The following LRRIQ3 variants were observed in gnomAD, a reference collection of about 807,000 sequenced individuals.
LRRIQ3 encodes the protein leucine rich repeats and IQ motif containing 3.
Under a neutral mutation model 59.3 loss-of-function variants are expected in LRRIQ3, and 75 were observed. That is an observed-to-expected ratio of 1.26 (90% CI 1.05 to 1.53). The LOEUF (loss-of-function observed/expected upper bound fraction) is 1.53. Ranked by LOEUF, LRRIQ3 falls within the 40% of genes most tolerant of loss-of-function variation. The pLI, the probability that LRRIQ3 is intolerant of heterozygous loss-of-function variation, is 0.00. For missense variants in LRRIQ3, 831 were observed against 710.0 expected (o/e 1.17, Z -1.94); for synonymous variants, 250 against 231.3 (o/e 1.08, Z -0.73).
chr1:74,040,955 T>C (rs1654025432), intron 7 of LRRIQ3, among the ~76,000 whole-genome samples: 1 of 152,152 alleles, frequency 6.6e-6, no homozygotes, highest in Non-Finnish European at 1.5e-5. Flanking sequence ...ATGATGCCAT[T>C]TGTGATAATA....
chr1:74,109,384 T>C lies in LRRIQ3; in HGVS notation c.867+10A>G. ...ATTTCAAATAAAAATAATAAACTAA[T>C]TATACTTACATGTTTCCAATATGCA... is the stretch of plus-strand genomic sequence containing the variant. On this transcript the variant is annotated intron_variant, in intron 5 of 7. Coordinates refer to ENST00000354431, the MANE Select transcript of LRRIQ3 (RefSeq NM_001105659.2). The C allele has an allele frequency of 6.9e-7, 1 of 1,450,760 alleles. No individual in the cohort carries two copies. The highest frequency in any genetic ancestry group is 2.1e-5 in the Admixed American group (1 of 48,376). 89.9% of individuals were successfully genotyped at this position (1,450,760 alleles called of 1,614,324 possible). A position where few individuals can be genotyped will look rare whatever the true frequency, so the allele number is the denominator to read the frequency against.
intron 6 of LRRIQ3, among the ~76,000 whole-genome samples, chr1:74,042,243 AT>A (rs1047698303): frequency 1.7e-4 from 26 of 152,260 alleles, no homozygotes; most frequent in African/African-American, 6.0e-4. Context: ...AACCACACAT[AT>A]TATTTTTTCA....
chr1:74,058,474 G>T (rs1015650486), intron 6 of LRRIQ3, among the ~76,000 whole-genome samples: 3 of 151,716 alleles, frequency 2.0e-5, no homozygotes, highest in African/African-American at 7.2e-5. Context: ...GGTACAGAAA[G>T]ACAAATATTA....
chr1:74,108,138 G>A (rs1462847139), intron 5 of LRRIQ3, among the ~76,000 whole-genome samples: 1 of 151,490 alleles, frequency 6.6e-6, no homozygotes, highest in African/African-American at 2.4e-5. Flanking sequence ...AAACACATTG[G>A]TTGTCAATAT....
intron 3 of LRRIQ3, among the ~76,000 whole-genome samples, chr1:74,168,235 T>C (rs943019318): frequency 1.3e-5 from 2 of 152,008 alleles, no homozygotes; most frequent in Non-Finnish European, 2.9e-5. Flanking sequence ...CTCATTTCAG[T>C]TTTCTGTCCA....
intron 7 of LRRIQ3, among the ~76,000 whole-genome samples, chr1:74,030,386 C>A (rs866651550): frequency 6.6e-6 from 1 of 152,140 alleles, no homozygotes. Flanking sequence ...GTAACCAAAA[C>A]AGCATGGTAC....
intron 4 of LRRIQ3, among the ~76,000 whole-genome samples, chr1:74,131,474 C>T (rs1255122842): frequency 2.0e-5 from 3 of 152,208 alleles, no homozygotes; most frequent in East Asian, 1.9e-4. Context: ...CAAAATTCCT[C>T]GATAAAATAC....
chr1:74,183,829 C>G, intron 1 of LRRIQ3, 145 bp from the exon 2 acceptor site: 1 of 612,376 alleles, frequency 1.6e-6, no homozygotes, highest in Non-Finnish European at 2.6e-6. Flanking sequence ...ATAGAACTTT[C>G]TATCCCAAAA....
At chr1:74,112,015 G>A (rs1009143815) in intron 4 of LRRIQ3, among the ~76,000 whole-genome samples, 5 of 152,188 alleles carry the variant, frequency 3.3e-5, no homozygotes, top group Non-Finnish European at 5.9e-5. Context: ...AAGGTGCAAC[G>A]GGGAGAGAAT....
intron 5 of LRRIQ3, among the ~76,000 whole-genome samples, chr1:74,103,680 A>G (rs1646565321): frequency 1.3e-5 from 2 of 151,616 alleles, no homozygotes; most frequent in South Asian, 4.1e-4. Flanking sequence ...CTCCTTCACT[A>G]TTTTCTTAGT....
At chr1:74,163,452 A>C (rs1393433809) in intron 3 of LRRIQ3, among the ~76,000 whole-genome samples, 1 of 151,632 alleles carries the variant, frequency 6.6e-6, no homozygotes, top group Non-Finnish European at 1.5e-5. Context: ...AACATAGTAC[A>C]TAGTAGTTAT....
At chr1:74,187,620 A>G (rs989554293) in intron 1 of LRRIQ3, among the ~76,000 whole-genome samples, 1 of 152,144 alleles carries the variant, frequency 6.6e-6, no homozygotes. Context: ...ATAGAAGACT[A>G]CATACTGGGT....
chr1:74,042,926 AC>A (rs1312339314), intron 6 of LRRIQ3, among the ~76,000 whole-genome samples: 1 of 152,076 alleles, frequency 6.6e-6, no homozygotes, highest in Non-Finnish European at 1.5e-5. Context: ...AGATGGTGGA[AC>A]CATAAGATAG....
intron 6 of LRRIQ3, among the ~76,000 whole-genome samples, chr1:74,059,304 C>T (rs1557597197): frequency 6.8e-6 from 1 of 148,094 alleles, no homozygotes; most frequent in Non-Finnish European, 1.5e-5. Flanking sequence ...ATATCTAAAA[C>T]ATCGTTGCCC....
chr1:74,076,512 A>G (rs1470650801), intron 5 of LRRIQ3, among the ~76,000 whole-genome samples: 2 of 152,114 alleles, frequency 1.3e-5, no homozygotes, highest in Non-Finnish European at 2.9e-5. Flanking sequence ...AAAGTCAGGT[A>G]AACTCTCTGA....
chr1:74,145,268 G>A (rs1375608591), intron 4 of LRRIQ3, among the ~76,000 whole-genome samples: 2 of 152,044 alleles, frequency 1.3e-5, no homozygotes, highest in Admixed American at 6.6e-5. Flanking sequence ...ACAACAAAAG[G>A]GTATTCATGA....
intron 7 of LRRIQ3, among the ~76,000 whole-genome samples, chr1:74,029,857 C>T (rs1171189462): frequency 6.6e-6 from 1 of 151,930 alleles, no homozygotes; most frequent in African/African-American, 2.4e-5. Context: ...AAGCTATAAA[C>T]TATTGCCTCA....
At chr1:74,192,510 T>C (rs892845279) in intron 1 of LRRIQ3, among the ~76,000 whole-genome samples, 2 of 152,138 alleles carry the variant, frequency 1.3e-5, no homozygotes, top group African/African-American at 4.8e-5. Context: ...TATTCAATAT[T>C]TTAAAATCTT....
intron 7 of LRRIQ3, among the ~76,000 whole-genome samples, chr1:74,028,048 G>T (rs1024869325): frequency 1.3e-5 from 2 of 151,936 alleles, no homozygotes; most frequent in African/African-American, 4.8e-5. Context: ...AGAGAATTTT[G>T]TTCAAACTAT....
Sources: gnomAD v4.1 joint callset for allele counts (sites outside exome capture counted in the v4.1 genomes callset) on GRCh38, gnomAD v4.1.1 for gene constraint, MANE v1.5 for transcripts, NCBI Gene and HGNC (gene_info 2026-07-23, HGNC 2026-07-21) for gene names.